The following DMTF1 variants were observed in gnomAD, a reference collection of about 807,000 sequenced individuals.
DMTF1 encodes the protein cyclin-D-binding Myb-like transcription factor 1.
In DMTF1, 39 loss-of-function variants were observed where a neutral mutation model predicts 91.1. The observed-to-expected ratio is 0.43, with a 90% CI of 0.33 to 0.56. DMTF1 has a LOEUF of 0.56. DMTF1 is among the 20% of genes least tolerant of loss of function. The probability of loss-of-function intolerance (pLI) is 0.05; values close to 1 mark genes in which losing one functional copy is unlikely to be tolerated. For synonymous variants in DMTF1, 338 were observed against 309.5 expected (o/e 1.09, Z -0.97); for missense variants, 750 against 914.5 (o/e 0.82, Z 2.32).
At chr7:87,154,766 G>A (rs1173113540) in intron 1 of DMTF1, among the ~76,000 whole-genome samples, 1 of 152,040 alleles carries the variant, frequency 6.6e-6, no homozygotes, top group Non-Finnish European at 1.5e-5. Context: ...TTTTTTTAGA[G>A]ATCTCTTTTT....
chr7:87,170,777 C>G (rs1259895533), intron 4 of DMTF1, among the ~76,000 whole-genome samples: 1 of 152,166 alleles, frequency 6.6e-6, no homozygotes, highest in Non-Finnish European at 1.5e-5. Context: ...TTTTGTTTCC[C>G]TTGCTCACTG....
chr7:87,155,453 A>G (rs1361847026), intron 1 of DMTF1: 3 of 152,168 alleles, frequency 2.0e-5, no homozygotes. Context: ...TTGCAATTGC[A>G]GCTCCTTTAT....
rs1306491236 is a variant in DMTF1 at position 87,174,801 on chromosome 7, CAT to C, written c.519+133_519+134del. ...TGTAATGGATTTTCATAATGGCTAA[CAT>C]GTAGCTGAATAATTCTAAAATACAT... On this transcript the variant is annotated intron_variant, in intron 7 of 17. Transcript: ENST00000331242. The C allele has an allele frequency of 5.8e-6, 3 of 517,624 alleles. No individual in the cohort carries two copies. The East Asian group carries it at 9.6e-5, about 17-fold the overall frequency. 32.1% of individuals were successfully genotyped at this position (517,624 alleles called of 1,614,324 possible).
In DMTF1 at chr7:87,195,719, G is replaced by C. The variant is rs1384626402; in HGVS notation, c.*579G>C. 1.3e-5 allele frequency: 2 copies of C among 152,506 alleles called. No individual in the cohort carries two copies. Among genetic ancestry groups the C allele is most frequent in the East Asian group, 3.9e-4 (2 of 5,186 alleles). The allele number at this position is 152,506 out of a possible 1,614,324, so 9.4% of individuals were successfully genotyped here. A position where few individuals can be genotyped will look rare whatever the true frequency, so the allele number is the denominator to read the frequency against. ...TGATTTAGGCAGGGTAAACAGGAAA[G>C]CATTAAAAGTTAAAATTCACTACAG... On this transcript the variant is annotated 3_prime_UTR_variant, in exon 18 of 18. Transcript: ENST00000331242.
intron 1 of DMTF1, chr7:87,152,774 C>T (rs1000617353): frequency 1.3e-5 from 2 of 154,400 alleles, no homozygotes; most frequent in African/African-American, 2.4e-5. Flanking sequence ...GGGCGGTGCC[C>T]GTGGCTCAGG....
intron 7 of DMTF1, among the ~76,000 whole-genome samples, chr7:87,177,959 T>G (rs1796585325): frequency 6.6e-6 from 1 of 152,174 alleles, no homozygotes; most frequent in Non-Finnish European, 1.5e-5. Flanking sequence ...ATATCTTGGC[T>G]GTTCTTGGCC....
intron 1 of DMTF1, among the ~76,000 whole-genome samples, chr7:87,157,584 T>A (rs1219551928): frequency 2.0e-5 from 3 of 152,118 alleles, no homozygotes; most frequent in Non-Finnish European, 4.4e-5. Context: ...TTGATGGAAA[T>A]ACCAGTCTAA....
intron 4 of DMTF1, among the ~76,000 whole-genome samples, chr7:87,168,130 G>C (rs969102899): frequency 5.3e-5 from 8 of 152,142 alleles, no homozygotes; most frequent in African/African-American, 1.9e-4. Flanking sequence ...CTTATGTTTA[G>C]CAATAAGACT....
At chr7:87,183,737 G>A (rs1458733377) in intron 10 of DMTF1, among the ~76,000 whole-genome samples, 1 of 151,910 alleles carries the variant, frequency 6.6e-6, no homozygotes, top group African/African-American at 2.4e-5. Flanking sequence ...CTGTTTTTCT[G>A]CTCTAGCTCC....
At position 87,193,278 on chromosome 7, in the gene DMTF1, G is replaced by GTT; in HGVS notation, c.1575_1576insTT (p.Thr526LeufsTer7). ...CAAGCCAAGGCCTTCCCCTAACTCT[G>GTT]ACTGCTAGTCCCACAGTAACCCTGA... On this transcript the variant is annotated frameshift_variant, in exon 15 of 18. Transcript: ENST00000331242. LOFTEE classifies it high-confidence loss of function. The GTT allele has an allele frequency of 6.2e-7, 1 of 1,613,372 alleles. No individual in the cohort carries two copies. The highest frequency in any genetic ancestry group is 8.5e-7 in the Non-Finnish European group (1 of 1,179,588).
chr7:87,188,745 A>G (rs1799048190), intron 13 of DMTF1, among the ~76,000 whole-genome samples: 1 of 152,138 alleles, frequency 6.6e-6, no homozygotes, highest in African/African-American at 2.4e-5. Flanking sequence ...CAAGGTTAAG[A>G]ATGATTTTCT....
intron 3 of DMTF1, 56 bp downstream of exon 3, chr7:87,165,106 C>G (rs1793509075): frequency 7.5e-7 from 1 of 1,328,410 alleles, no homozygotes; most frequent in East Asian, 2.4e-5. Context: ...AATTCCATGT[C>G]ACTTTTGACC....
intron 7 of DMTF1, among the ~76,000 whole-genome samples, chr7:87,178,773 CT>C (rs34451577): frequency 0.47 from 68,852 of 146,388 alleles, 17,417 homozygotes; most frequent in Non-Finnish European, 0.58. Flanking sequence ...AATGTACCCA[CT>C]TTTTTTTTTT....
chr7:87,170,990 T>G lies in DMTF1; in HGVS notation c.233-5T>G, dbSNP rs1399867906. ...TCTGGAGATGAACGGTTCCTTTTCTTGAAGTTTCAGAAAATGATCAGAGCT... is the reference window on the plus strand; with the variant it reads ...TCTGGAGATGAACGGTTCCTTTTCTGGAAGTTTCAGAAAATGATCAGAGCT... On this transcript the variant is annotated splice_region_variant and splice_polypyrimidine_tract_variant and intron_variant, in intron 4 of 17. Coordinates refer to ENST00000331242, the MANE Select transcript of DMTF1 (RefSeq NM_001142327.2). 1.9e-6 allele frequency: 3 copies of G among 1,594,702 alleles called. No individual in the cohort carries two copies. The highest frequency in any genetic ancestry group is 1.1e-5 in the South Asian group (1 of 89,760).
rs190810474 is a variant in DMTF1 at position 87,185,095 on chromosome 7, T to C, written c.1049+470T>C. On this transcript the variant is annotated intron_variant, in intron 11 of 17. Transcript: ENST00000331242. ...TCCAAAGTAGACCAAATCAAACACA[T>C]CCATTTCATACAAATTCAAAAAAGC... The C allele has an allele frequency of 1.1e-3, 298 of 263,330 alleles. 1 individual carries two copies. The highest frequency in any genetic ancestry group is 5.8e-3 in the African/African-American group (260 of 45,092). 16.3% of individuals were successfully genotyped at this position (263,330 alleles called of 1,614,324 possible).
At chr7:87,178,195 A>T (rs967949633) in intron 7 of DMTF1, among the ~76,000 whole-genome samples, 22 of 152,102 alleles carry the variant, frequency 1.4e-4, no homozygotes, top group African/African-American at 4.8e-4. Context: ...AACTTGCCTA[A>T]GTTCTGATGC....
intron 11 of DMTF1, 70 bp from the exon 12 acceptor site, chr7:87,185,759 T>C (rs1798264312): frequency 1.9e-6 from 3 of 1,546,148 alleles, no homozygotes; most frequent in African/African-American, 2.7e-5. Flanking sequence ...TGCAATTACC[T>C]GTAGTCAGAG....
At position 87,188,180 on chromosome 7, in the gene DMTF1, C is replaced by A. The variant is rs773637237; in HGVS notation, c.1290C>A (p.Asn430Lys). ...LENKSGSGVP[N>K]SNTNSSVQHV... ...ATAAATCAGGATCTGGAGTTCCAAA[C>A]AGTAATACCAATTCCAGTGTGCAGC... Residue 430 changes from asparagine (N) to lysine (K), a missense_variant, in exon 13 of 18, where the codon AAC becomes AAA. By Grantham distance (94) the Asn-to-Lys change is moderately conservative. Around this residue, in one of 3 missense-constraint regions of DMTF1, gnomAD observed 410 missense variants for 420.2 expected, o/e 0.98. Transcript: ENST00000331242. 7 of 1,613,852 alleles carry A rather than the reference C, an allele frequency of 4.3e-6. No homozygotes were observed. Among genetic ancestry groups the A allele is most frequent in the Non-Finnish European group, 5.9e-6 (7 of 1,179,920 alleles).
chr7:87,170,418 C>T (rs550403485), intron 4 of DMTF1, among the ~76,000 whole-genome samples: 2 of 152,192 alleles, frequency 1.3e-5, no homozygotes, highest in African/African-American at 4.8e-5. Context: ...TTCTGGCTTA[C>T]AAGGGCTTAC....
Sources: allele counts gnomAD v4.1 joint callset (sites outside exome capture counted in the v4.1 genomes callset), GRCh38; gene constraint gnomAD v4.1.1; regional missense constraint gnomAD v4.1.1; transcripts MANE v1.5; gene names NCBI Gene and HGNC (gene_info 2026-07-23, HGNC 2026-07-21).